CDKAL1: variants seen among roughly 807,000 people sequenced by gnomAD.
CDKAL1 encodes the protein CDKAL1 threonylcarbamoyladenosine tRNA methylthiotransferase, also known as threonylcarbamoyladenosine tRNA methylthiotransferase.
Under a neutral mutation model 68.2 loss-of-function variants are expected in CDKAL1, and 32 were observed. That is an observed-to-expected ratio of 0.47 (90% confidence interval 0.35 to 0.63). The LOEUF (loss-of-function observed/expected upper bound fraction) is 0.63, where lower values mean the gene tolerates loss of function less well. Among genes scored for constraint, CDKAL1 ranks in the 30% least tolerant of loss-of-function variants. The pLI is 0.00. For missense variants in CDKAL1, 606 were observed against 696.7 expected (o/e 0.87, Z 1.47); for synonymous variants, 234 against 244.3 (o/e 0.96, Z 0.39).
At chr6:20,634,315 ATTATT>A (rs1448415718) in intron 4 of CDKAL1, among the ~76,000 whole-genome samples, 1 of 152,174 alleles carries the variant, frequency 6.6e-6, no homozygotes, top group Non-Finnish European at 1.5e-5. Context: ...GAACAACTTT[ATTATT>A]TTATGTGTAG....
intron 9 of CDKAL1, among the ~76,000 whole-genome samples, 173 bp from the exon 10 acceptor site, chr6:20,955,246 T>A (rs551477282): frequency 6.6e-6 from 1 of 152,322 alleles, no homozygotes; most frequent in East Asian, 1.9e-4. Context: ...GTTCGTAAAA[T>A]GAACTTAATA....
rs7772447 is a variant in CDKAL1 at position 20,945,547 on chromosome 6, A to G, written c.743-9872A>G. On this transcript the variant is annotated intron_variant, in intron 9 of 15. Coordinates refer to ENST00000274695, the MANE Select transcript of CDKAL1 (RefSeq NM_017774.3). ...CTACCTCATAGAGGCCCTATATCAC[A>G]TATTCTCATTTGTCCTATCTTCTGA... Among the ~76,000 whole-genome samples, 595 of 152,236 alleles carry G rather than the reference A, an allele frequency of 3.9e-3. 8 individuals are homozygous for G. Among genetic ancestry groups the G allele is most frequent in the African/African-American group, 0.013 (557 of 41,532 alleles).
intron 11 of CDKAL1, among the ~76,000 whole-genome samples, chr6:21,002,211 T>C (rs1767464339): frequency 6.6e-6 from 1 of 152,224 alleles, no homozygotes; most frequent in South Asian, 2.1e-4. Context: ...TCTTTGGATC[T>C]GGGTCCTTTC....
intron 15 of CDKAL1, among the ~76,000 whole-genome samples, chr6:21,205,756 C>T (rs1349387225): frequency 4.7e-5 from 7 of 150,386 alleles, no homozygotes; most frequent in Admixed American, 2.0e-4. Flanking sequence ...TGGTCTCGAT[C>T]TCCTGACCTC....
intron 9 of CDKAL1, among the ~76,000 whole-genome samples, chr6:20,952,302 C>A (rs1403886496): frequency 1.3e-5 from 2 of 151,652 alleles, no homozygotes; most frequent in Non-Finnish European, 2.9e-5. Context: ...CATATACTTA[C>A]CAAATTCCAA....
intron 9 of CDKAL1, among the ~76,000 whole-genome samples, chr6:20,934,681 CA>C (rs1763618748): frequency 6.6e-6 from 1 of 151,734 alleles, no homozygotes; most frequent in South Asian, 2.1e-4. Flanking sequence ...CCCATCTCTA[CA>C]AAAACTGAAA....
chr6:20,575,154 G>A lies in CDKAL1; in HGVS notation c.286+26449G>A, dbSNP rs567765802. Among the ~76,000 whole-genome samples, 148 of 152,062 alleles carry A rather than the reference G, an allele frequency of 9.7e-4. 1 individual carries two copies. Among genetic ancestry groups the A allele is most frequent in the South Asian group, 3.5e-3 (17 of 4,808 alleles). The stretch of plus-strand genomic sequence containing the variant: ...AGGTAACTCAAAGACAGAACTTAAT[G>A]GCTGTTAAGATTGGAGTATTTGGTT... On this transcript the variant is annotated intron_variant, in intron 4 of 15. Transcript: ENST00000274695.
rs1198583138 is a variant in CDKAL1, at chr6:20,634,867, C to T, written c.287-14426C>T. ...TGGCTCATGCCTGTAATCCCAGCTACTTGGGAGGCTGAGGCAGGAGAATCG... is the reference window on the plus strand; with the variant it reads ...TGGCTCATGCCTGTAATCCCAGCTATTTGGGAGGCTGAGGCAGGAGAATCG... On this transcript the variant is annotated intron_variant, in intron 4 of 15. Transcript: ENST00000274695. 4.0e-5 allele frequency among the ~76,000 whole-genome samples: 6 copies of T among 150,518 alleles called. No individual in the cohort carries two copies. The South Asian group carries it at 8.4e-4, about 21-fold the overall frequency.
chr6:21,116,158 G>A (rs914831047), intron 13 of CDKAL1, among the ~76,000 whole-genome samples: 2 of 152,024 alleles, frequency 1.3e-5, no homozygotes, highest in Non-Finnish European at 2.9e-5. Context: ...TAAAAATTAA[G>A]CATGATTTTT....
chr6:21,197,426 A>AGT lies in CDKAL1; in HGVS notation c.1300-594_1300-593dup, dbSNP rs1778518300. ...GGGGTCATGACTGCAGCAAAGAGAC[A>AGT]GTTGCCTGTGACAGAGAAAATGTAT... On this transcript the variant is annotated intron_variant, in intron 13 of 15. Coordinates refer to ENST00000274695, the MANE Select transcript of CDKAL1 (RefSeq NM_017774.3). 2.6e-5 allele frequency among the ~76,000 whole-genome samples: 4 copies of AGT among 152,310 alleles called. No individual in the cohort carries two copies. The South Asian group carries it at 8.3e-4, about 32-fold the overall frequency.
intron 6 of CDKAL1, among the ~76,000 whole-genome samples, chr6:20,753,421 T>G (rs1236851227): frequency 6.6e-6 from 1 of 152,192 alleles, no homozygotes; most frequent in Non-Finnish European, 1.5e-5. Context: ...ACTGTACCTT[T>G]TATATGTTTA....
At chr6:20,954,682 G>A (rs1764691826) in intron 9 of CDKAL1, among the ~76,000 whole-genome samples, 1 of 152,050 alleles carries the variant, frequency 6.6e-6, no homozygotes. Context: ...TATTTCCTCT[G>A]GACTTTTGAA....
intron 9 of CDKAL1, among the ~76,000 whole-genome samples, chr6:20,884,128 G>A (rs1760954297): frequency 6.6e-6 from 1 of 152,086 alleles, no homozygotes; most frequent in South Asian, 2.1e-4. Flanking sequence ...CATCAAGTGG[G>A]ATTTATCCAA....
At chr6:20,858,343 T>C (rs1759444059) in intron 9 of CDKAL1, among the ~76,000 whole-genome samples, 1 of 152,174 alleles carries the variant, frequency 6.6e-6, no homozygotes, top group Non-Finnish European at 1.5e-5. Context: ...TTCCTGTTTA[T>C]GTATCAATAT....
intron 11 of CDKAL1, among the ~76,000 whole-genome samples, chr6:21,023,546 C>T: frequency 6.6e-6 from 1 of 151,858 alleles, no homozygotes; most frequent in African/African-American, 2.4e-5. Flanking sequence ...TTTTCCATAC[C>T]CCTGTCAAAC....
chr6:20,673,804 A>G (rs878891560), intron 5 of CDKAL1, among the ~76,000 whole-genome samples: 2 of 152,202 alleles, frequency 1.3e-5, no homozygotes, highest in Admixed American at 1.3e-4. Flanking sequence ...ACCGTCCGCC[A>G]TGACTGTGAG....
At chr6:20,800,437 G>A (rs1776319658) in intron 8 of CDKAL1, among the ~76,000 whole-genome samples, 1 of 152,132 alleles carries the variant, frequency 6.6e-6, no homozygotes, top group South Asian at 2.1e-4. Flanking sequence ...AGGCAAATTG[G>A]TCTGGGAGTG....
intron 5 of CDKAL1, among the ~76,000 whole-genome samples, chr6:20,706,136 GAC>G (rs1771584521): frequency 1.3e-5 from 2 of 152,160 alleles, no homozygotes; most frequent in African/African-American, 4.8e-5. Flanking sequence ...AGCAGACTGG[GAC>G]AGGCAGGCCC....
chr6:20,646,952 C>T (rs1443767299), intron 4 of CDKAL1, among the ~76,000 whole-genome samples: 1 of 152,044 alleles, frequency 6.6e-6, no homozygotes, highest in African/African-American at 2.4e-5. Context: ...ATCATGTTGG[C>T]CAGGCTGGTC....
Sources: gnomAD v4.1 joint callset for allele counts (sites outside exome capture counted in the v4.1 genomes callset) on GRCh38, gnomAD v4.1.1 for gene constraint, MANE v1.5 for transcripts, NCBI Gene and HGNC (gene_info 2026-07-23, HGNC 2026-07-21) for gene names.